The following SH3YL1 variants were observed in gnomAD, a reference collection of about 807,000 sequenced individuals.
SH3YL1 encodes SH3 domain-containing YSC84-like protein 1.
A neutral mutation model predicts 45.8 loss-of-function variants in SH3YL1; 41 were observed. That is an observed-to-expected ratio of 0.89 (90% CI 0.70 to 1.16). The LOEUF is 1.16. Among genes scored for constraint, SH3YL1 ranks in the 50% most tolerant of loss-of-function variants. The pLI, the probability that SH3YL1 is intolerant of heterozygous loss-of-function variation, is 0.00. For missense variants in SH3YL1, 389 were observed against 409.6 expected, an observed-to-expected ratio of 0.95 and a Z score of 0.43; for synonymous variants, 152 against 151.4, an observed-to-expected ratio of 1.00 and a Z score of -0.03.
chr2:228,108 C>A (rs1667864849), intron 8 of SH3YL1, among the ~76,000 whole-genome samples: 1 of 152,150 alleles, frequency 6.6e-6, no homozygotes, highest in Non-Finnish European at 1.5e-5. Flanking sequence ...AGTGGCCTAG[C>A]CACAAAGGAT....
intron 9 of SH3YL1, among the ~76,000 whole-genome samples, chr2:223,543 A>G (rs1453239226): frequency 6.6e-6 from 1 of 152,210 alleles, no homozygotes; most frequent in Non-Finnish European, 1.5e-5. Context: ...ATAAAAATCT[A>G]GGTGTTTACG....
chr2:223,838 C>T (rs1044115118), intron 9 of SH3YL1, among the ~76,000 whole-genome samples: 4 of 152,170 alleles, frequency 2.6e-5, no homozygotes, highest in Non-Finnish European at 5.9e-5. Flanking sequence ...GGAGCAGATG[C>T]TCAACCCCCT....
chr2:264,782 C>A (rs1177451234), upstream of SH3YL1: 3 of 621,710 alleles, frequency 4.8e-6, no homozygotes, highest in Non-Finnish European at 7.9e-6. Flanking sequence ...GTCCTACTAC[C>A]GTCATAGGAC....
chr2:250,633 ATTATTT>A lies in SH3YL1; in HGVS notation c.113-795_113-790del, dbSNP rs1669033866. Among the ~76,000 whole-genome samples, 6 of 152,336 alleles carry A rather than the reference ATTATTT, an allele frequency of 3.9e-5. No individual in the cohort carries two copies. The South Asian group carries it at 1.0e-3, about 26-fold the overall frequency. On this transcript the variant is annotated intron_variant, in intron 2 of 9. Transcript: ENST00000356150. ...TAACTTTAAGGTAGTTTAACTTATT[ATTATTT>A]TTATCAAATATTCTGCCAAGGAAGT...
intron 2 of SH3YL1, among the ~76,000 whole-genome samples, chr2:252,340 C>T (rs539696337): frequency 2.4e-4 from 36 of 152,114 alleles, no homozygotes; most frequent in Middle Eastern, 3.2e-3. Flanking sequence ...GGTGAGTTTG[C>T]GAGGTTAGCT....
chr2:244,552 A>T (rs1359676871), intron 4 of SH3YL1: 1 of 101,874 alleles, frequency 9.8e-6, no homozygotes, highest in Non-Finnish European at 2.2e-5. Context: ...CGAAAGAAAG[A>T]AAAGAAAAGA....
chr2:238,088 A>G (rs1259357129), intron 4 of SH3YL1, among the ~76,000 whole-genome samples: 2 of 152,022 alleles, frequency 1.3e-5, no homozygotes, highest in Non-Finnish European at 2.9e-5. Flanking sequence ...CCCCTTCTGG[A>G]TGATTGACTG....
At chr2:222,207 G>T (rs1381029510) in intron 9 of SH3YL1, among the ~76,000 whole-genome samples, 1 of 152,168 alleles carries the variant, frequency 6.6e-6, no homozygotes, top group Non-Finnish European at 1.5e-5. Context: ...TGAAGTAGGG[G>T]TTATTTTTCC....
At chr2:242,120 A>G (rs978692354) in intron 4 of SH3YL1, 5 of 152,062 alleles carry the variant, frequency 3.3e-5, no homozygotes, top group African/African-American at 1.2e-4. Flanking sequence ...AACCGTACAA[A>G]AGAGTCAGGT....
intron 1 of SH3YL1, among the ~76,000 whole-genome samples, chr2:258,786 T>G (rs1044127231): frequency 2.6e-5 from 4 of 152,188 alleles, no homozygotes; most frequent in African/African-American, 7.2e-5. Context: ...GTCCCCAGCC[T>G]GATGCAAGCA....
At chr2:220,604 T>C (rs1253080798) in intron 9 of SH3YL1, among the ~76,000 whole-genome samples, 2 of 152,198 alleles carry the variant, frequency 1.3e-5, no homozygotes, top group African/African-American at 4.8e-5. Flanking sequence ...CCATGCACTG[T>C]GAAAGGAGCT....
intron 9 of SH3YL1, 51 bp from the exon 10 acceptor site, chr2:219,052 G>C: frequency 6.7e-7 from 1 of 1,493,418 alleles, no homozygotes; most frequent in South Asian, 1.3e-5. Flanking sequence ...GGAGAAATTG[G>C]GGGTATCTGC....
chr2:225,734 C>T (rs930005571), intron 8 of SH3YL1, among the ~76,000 whole-genome samples: 4 of 152,188 alleles, frequency 2.6e-5, no homozygotes, highest in Admixed American at 2.0e-4. Context: ...ATTAAGATTT[C>T]CTTCACTGTG....
intron 9 of SH3YL1, chr2:222,876 C>T (rs1045030928): frequency 6.6e-6 from 1 of 152,194 alleles, no homozygotes; most frequent in Non-Finnish European, 1.5e-5. Context: ...GCCCTGGGGC[C>T]ATGTAACTGT....
chr2:225,848 T>C (rs1667766226), intron 8 of SH3YL1, among the ~76,000 whole-genome samples: 1 of 152,146 alleles, frequency 6.6e-6, no homozygotes, highest in South Asian at 2.1e-4. Context: ...GGCACAGAAA[T>C]TACAAAGTCT....
rs1371025820 is a variant in SH3YL1, at chr2:264,024, C to G, written c.-40G>C. On this transcript the variant is annotated 5_prime_UTR_variant, in exon 1 of 10. Coordinates refer to ENST00000356150, the MANE Select transcript of SH3YL1 (RefSeq NM_015677.4). ...CGCGGCGCCCCGTCCCGAGGCTGCCCAGGAAGAGGAAGGCGCGCTGCCCCG... is the reference window on the plus strand; with the variant it reads ...CGCGGCGCCCCGTCCCGAGGCTGCCGAGGAAGAGGAAGGCGCGCTGCCCCG... 2 of 1,397,446 alleles carry G rather than the reference C, an allele frequency of 1.4e-6. No homozygotes were observed. The allele number at this position is 1,397,446 out of a possible 1,614,324, so 86.6% of individuals were successfully genotyped here. A position where few individuals can be genotyped will look rare whatever the true frequency, so the allele number is the denominator to read the frequency against.
At chr2:255,877 G>A (rs1466979408) in intron 1 of SH3YL1, 4 of 152,210 alleles carry the variant, frequency 2.6e-5, no homozygotes, top group East Asian at 1.9e-4. Context: ...CAGCATTAGT[G>A]TATTTTGGCA....
intron 9 of SH3YL1, 55 bp downstream of exon 9, chr2:224,809 T>C (rs1409611284): frequency 9.2e-6 from 12 of 1,309,092 alleles, no homozygotes; most frequent in Admixed American, 6.9e-5. Context: ...ATTAGGAAGT[T>C]TGTGATCACA....
At position 249,823 on chromosome 2, in the gene SH3YL1, T is replaced by TTAGCCTTCGCAATTA; in HGVS notation, c.119_133dup (p.Ala44_Lys45insIleIleAlaLysAla). ...GATCACAGACAGAATTGCAAGGCCT[T>TTAGCCTTCGCAATTA]TAGCCTTCGCAATTACGTGAGCTGT... On this transcript the variant is annotated inframe_insertion, in exon 3 of 10. Transcript: ENST00000356150. The TTAGCCTTCGCAATTA allele has an allele frequency of 1.2e-5, 19 of 1,551,998 alleles. No individual in the cohort carries two copies. The highest frequency in any genetic ancestry group is 1.7e-5 in the Non-Finnish European group (19 of 1,146,942).
Sources: gnomAD v4.1 joint callset for allele counts (sites outside exome capture counted in the v4.1 genomes callset) on GRCh38, gnomAD v4.1.1 for gene constraint, MANE v1.5 for transcripts, NCBI Gene and HGNC (gene_info 2026-07-23, HGNC 2026-07-21) for gene names.